Variants in FAM47E observed in about 807,000 individuals in gnomAD.
FAM47E encodes the protein protein FAM47E.
A neutral mutation model predicts 41.6 loss-of-function variants in FAM47E; 32 were observed. The observed-to-expected ratio is 0.77, with a 90% CI of 0.58 to 1.03. The LOEUF is 1.03. Ranked by LOEUF, FAM47E falls within the 50% of genes least tolerant of loss-of-function variation. FAM47E has a pLI of 0.00. For synonymous variants in FAM47E, 184 were observed against 188.7 expected (o/e 0.98, Z 0.20); for missense variants, 424 against 485.4 (o/e 0.87, Z 1.19).
chr4:76,245,003 A>G (rs751979115), intron 2 of FAM47E, among the ~76,000 whole-genome samples: 19 of 152,148 alleles, frequency 1.2e-4, no homozygotes, highest in Non-Finnish European at 2.4e-4. Flanking sequence ...CTGAGTATCT[A>G]TCTAGACTAT....
chr4:76,249,579 T>A (rs185442672), upstream of FAM47E, among the ~76,000 whole-genome samples: 177 of 151,758 alleles, frequency 1.2e-3, no homozygotes, highest in South Asian at 2.1e-3. Flanking sequence ...TTATTTATTT[T>A]TTTTTTGGTT....
At chr4:76,280,196 A>C in intron 6 of FAM47E, 68 bp from the exon 7 acceptor site, 1 of 959,426 alleles carries the variant, frequency 1.0e-6, no homozygotes, top group South Asian at 1.5e-5. Flanking sequence ...AATGCTTTTA[A>C]TGAGAACAAA....
At chr4:76,227,330 C>A (rs1439528430) in intron 2 of FAM47E, among the ~76,000 whole-genome samples, 1 of 152,040 alleles carries the variant, frequency 6.6e-6, no homozygotes, top group Non-Finnish European at 1.5e-5. Context: ...TATTTAATGT[C>A]CATTATTTGT....
intron 2 of FAM47E, among the ~76,000 whole-genome samples, chr4:76,258,945 A>G (rs1734295273): frequency 6.6e-6 from 1 of 152,196 alleles, no homozygotes; most frequent in African/African-American, 2.4e-5. Flanking sequence ...TTAGGTGTCA[A>G]TTTGACTGGA....
chr4:76,228,126 G>A, intron 2 of FAM47E, among the ~76,000 whole-genome samples: 1 of 151,004 alleles, frequency 6.6e-6, no homozygotes, highest in East Asian at 1.9e-4. Context: ...TATAGGCCCT[G>A]CAAGATTTAT....
chr4:76,234,944 G>A (rs538431640), intron 2 of FAM47E, among the ~76,000 whole-genome samples: 2 of 152,092 alleles, frequency 1.3e-5, no homozygotes, highest in Non-Finnish European at 2.9e-5. Context: ...TTCTTTGCCT[G>A]ATTTAAATAG....
At chr4:76,283,066 A>G (rs890106068) in intron 7 of FAM47E, 9 of 205,280 alleles carry the variant, frequency 4.4e-5, no homozygotes, top group Non-Finnish European at 8.9e-5. Context: ...CCACAGCCTC[A>G]TTCCCTCTGC....
intron 2 of FAM47E, among the ~76,000 whole-genome samples, chr4:76,245,206 C>T (rs1407855351): frequency 3.3e-5 from 5 of 151,978 alleles, no homozygotes; most frequent in African/African-American, 7.3e-5. Flanking sequence ...AAGTAACATA[C>T]GTATCAGAGT....
chr4:76,280,496 A>G, intron 7 of FAM47E, 155 bp downstream of exon 7: 1 of 532,642 alleles, frequency 1.9e-6, no homozygotes. Flanking sequence ...TTCTCCCCAG[A>G]CGGGGACTCA....
chr4:76,224,510 G>A (rs1232647409), intron 2 of FAM47E, among the ~76,000 whole-genome samples: 1 of 152,138 alleles, frequency 6.6e-6, no homozygotes, highest in African/African-American at 2.4e-5. Context: ...TTAAGAAGAT[G>A]TTCATACATC....
chr4:76,281,481 T>TATATAAA (rs973246819), intron 7 of FAM47E: 4 of 151,086 alleles, frequency 2.6e-5, no homozygotes, highest in Admixed American at 2.0e-4. Flanking sequence ...TTATATATAA[T>TATATAAA]ATATAAAATA....
At chr4:76,222,148 A>T (rs1021335100) in intron 2 of FAM47E, among the ~76,000 whole-genome samples, 2 of 152,232 alleles carry the variant, frequency 1.3e-5, no homozygotes, top group African/African-American at 4.8e-5. Flanking sequence ...TCAGTGGTAC[A>T]AAATACTACT....
chr4:76,237,385 T>C (rs1733611055), intron 2 of FAM47E, among the ~76,000 whole-genome samples: 1 of 151,442 alleles, frequency 6.6e-6, no homozygotes. Context: ...TTGTTTTTTT[T>C]TTGGTTTACA....
intron 5 of FAM47E, among the ~76,000 whole-genome samples, chr4:76,272,752 T>A (rs1359085360): frequency 6.6e-6 from 1 of 152,198 alleles, no homozygotes; most frequent in Non-Finnish European, 1.5e-5. Context: ...CTGGGCTGAA[T>A]AAAATTGCTC....
chr4:76,266,296 A>C (rs915908356), intron 3 of FAM47E, among the ~76,000 whole-genome samples: 1 of 152,246 alleles, frequency 6.6e-6, no homozygotes, highest in Non-Finnish European at 1.5e-5. Flanking sequence ...TGGTTAATTC[A>C]GTATTTGTCC....
chr4:76,223,770 G>A (rs1037390297), intron 2 of FAM47E, among the ~76,000 whole-genome samples: 1 of 152,086 alleles, frequency 6.6e-6, no homozygotes, highest in Non-Finnish European at 1.5e-5. Flanking sequence ...CCTTCTTCAG[G>A]GGACCTCAAA....
chr4:76,266,358 G>A (rs1431847125), intron 3 of FAM47E, among the ~76,000 whole-genome samples: 1 of 152,124 alleles, frequency 6.6e-6, no homozygotes, highest in Non-Finnish European at 1.5e-5. Context: ...CTGAACTCTT[G>A]TTTTCTCCCC....
chr4:76,235,297 G>C (rs968911035), intron 2 of FAM47E, among the ~76,000 whole-genome samples: 7 of 152,138 alleles, frequency 4.6e-5, no homozygotes, highest in African/African-American at 1.7e-4. Context: ...CAGCCTGGAC[G>C]ATAGAGCGAG....
upstream of FAM47E, among the ~76,000 whole-genome samples, chr4:76,247,471 G>A (rs1295307190): frequency 6.6e-6 from 1 of 152,144 alleles, no homozygotes; most frequent in Non-Finnish European, 1.5e-5. Flanking sequence ...GAATTGATGT[G>A]TCATATGGTA....
Sources: allele counts gnomAD v4.1 joint callset (sites outside exome capture counted in the v4.1 genomes callset), GRCh38; gene constraint gnomAD v4.1.1; transcripts MANE v1.5; gene names NCBI Gene and HGNC (gene_info 2026-07-23, HGNC 2026-07-21).